The following SYPL1 variants were observed in gnomAD, a reference collection of about 807,000 sequenced individuals.
SYPL1 encodes synaptophysin like 1.
SYPL1 carries 6 observed loss-of-function variants against 23.7 expected under a neutral mutation model. The ratio of observed to expected loss-of-function variants is 0.25; its 90% CI spans 0.14 to 0.50. The LOEUF is 0.50. Among genes scored for constraint, SYPL1 ranks in the 20% least tolerant of loss-of-function variants. SYPL1 has a pLI of 0.98. For missense variants in SYPL1, 253 were observed against 288.9 expected (o/e 0.88, Z 0.90); for synonymous variants, 102 against 104.5 (o/e 0.98, Z 0.15).
At chr7:106,102,011 A>C (rs1840349507) in intron 1 of SYPL1, among the ~76,000 whole-genome samples, 1 of 152,156 alleles carries the variant, frequency 6.6e-6, no homozygotes, top group South Asian at 2.1e-4. Context: ...AACTAAATGT[A>C]GTGACTTGCT....
At position 106,096,724 on chromosome 7, in the gene SYPL1, G is replaced by T. The variant is rs1563339431; in HGVS notation, c.402+966C>A. ...TGGTTGCCACTAATGCTGAGTATAA[G>T]AATTACCTGGGTCTGATTTTAAATT... is the stretch of plus-strand genomic sequence containing the variant. On this transcript the variant is annotated intron_variant, in intron 3 of 4. Transcript: ENST00000455385. This position sits in a 1 kb window ranked among gnomAD's most constrained non-coding sequence, Gnocchi z 4.4. Among the ~76,000 whole-genome samples the T allele has an allele frequency of 1.3e-5, 2 of 152,186 alleles. No homozygotes were observed. The highest frequency in any genetic ancestry group is 4.8e-5 in the African/African-American group (2 of 41,446).
chr7:106,112,080 C>T, intron 1 of SYPL1, 60 bp downstream of exon 1: 1 of 1,320,542 alleles, frequency 7.6e-7, no homozygotes, highest in Non-Finnish European at 9.8e-7. Flanking sequence ...GTCCCCGTCT[C>T]CCCGCCTAGG....
rs1053565085 is a variant in SYPL1 at position 106,104,175 on chromosome 7, G to T, written c.70-4893C>A. ...TGGTAGAACTCATGATTCTTCTCTT[G>T]AGCTATCATAGACATTAACTCTATT... On this transcript the variant is annotated intron_variant, in intron 1 of 4. Transcript: ENST00000455385. The surrounding 1 kb of genome is among the most constrained non-coding windows in gnomAD (Gnocchi z 4.1). 6.6e-6 allele frequency among the ~76,000 whole-genome samples: 1 copy of T among 152,086 alleles called. No individual in the cohort carries two copies. The highest frequency in any genetic ancestry group is 2.4e-5 in the African/African-American group (1 of 41,372).
rs1840515180 is a variant in SYPL1, at chr7:106,104,892, A to G, written c.70-5610T>C. 6.6e-6 allele frequency among the ~76,000 whole-genome samples: 1 copy of G among 152,192 alleles called. No homozygotes were observed. Among genetic ancestry groups the G allele is most frequent in the Admixed American group, 6.5e-5 (1 of 15,286 alleles). ...TTGGTAAAACCCGGCCTGCAAATAT[A>G]TTTGTGTGGCCTTTCCAGTATTACA... On this transcript the variant is annotated intron_variant, in intron 1 of 4. Coordinates refer to ENST00000455385, the MANE Select transcript of SYPL1 (RefSeq NM_182715.4). This position sits in a 1 kb window ranked among gnomAD's most constrained non-coding sequence, Gnocchi z 4.1.
In SYPL1 at chr7:106,099,212, G is replaced by A. The variant is rs528720225; in HGVS notation, c.140C>T (p.Pro47Leu). Reference sequence around the variant, plus strand: ...AGTTTTATTCTCAGTAACTGCAGGAGGACAATTCACTTGAATTTCTGTTTG... The same window carrying A: ...AGTTTTATTCTCAGTAACTGCAGGAAGACAATTCACTTGAATTTCTGTTTG... Reference protein sequence around the residue: ...KGQTEIQVNCPPAVTENKTVT... With the variant: ...KGQTEIQVNCLPAVTENKTVT... The change falls in exon 2 of 5, where the codon CCT (proline) becomes CTT (leucine). Residue 47 changes from proline (P) to leucine (L), a missense_variant. Physicochemically the swap from Pro to Leu is moderately conservative, Grantham distance 98. Transcript: ENST00000455385. 4.3e-6 allele frequency: 7 copies of A among 1,613,984 alleles called. No homozygotes were observed. The African/African-American group carries it at 5.3e-5, about 12-fold the overall frequency.
At chr7:106,112,326 G>T, upstream of SYPL1, 1 of 1,276,456 alleles carries the variant, frequency 7.8e-7, no homozygotes, top group Non-Finnish European at 9.9e-7. Flanking sequence ...GGCCGGGCTC[G>T]GAGGCGGGCC....
At chr7:106,107,691 G>A (rs1316780330) in intron 1 of SYPL1, among the ~76,000 whole-genome samples, 1 of 143,416 alleles carries the variant, frequency 7.0e-6, no homozygotes, top group Non-Finnish European at 1.5e-5. Context: ...GCAGTGAGCT[G>A]AGATCATGCC....
chr7:106,105,144 T>G (rs1217997747), intron 1 of SYPL1, among the ~76,000 whole-genome samples: 2 of 152,146 alleles, frequency 1.3e-5, no homozygotes, highest in Non-Finnish European at 2.9e-5. Flanking sequence ...GCCCTCAGGA[T>G]GTGTGTTAGT....
upstream of SYPL1, chr7:106,112,543 C>A: frequency 6.6e-7 from 1 of 1,505,806 alleles, no homozygotes; most frequent in Non-Finnish European, 8.8e-7. Context: ...GCGTGCGCCG[C>A]GCCCCCTTCC....
In SYPL1 at chr7:106,104,265, C is replaced by T. The variant is rs745635427; in HGVS notation, c.70-4983G>A. On this transcript the variant is annotated intron_variant, in intron 1 of 4. Transcript: ENST00000455385. This position sits in a 1 kb window ranked among gnomAD's most constrained non-coding sequence, Gnocchi z 4.1. The stretch of plus-strand genomic sequence containing the variant: ...TGCTTTCTAAAAAATAAAATGGGGC[C>T]GGGTGCAGTGGCTTATGCCTGTAAT... 1.5e-4 allele frequency among the ~76,000 whole-genome samples: 23 copies of T among 152,032 alleles called. No homozygotes were observed. Among genetic ancestry groups the T allele is most frequent in the African/African-American group, 4.3e-4 (18 of 41,392 alleles).
At position 106,097,660 on chromosome 7, in the gene SYPL1, T is replaced by C. The variant is rs780565540; in HGVS notation, c.402+30A>G. Reference sequence around the variant, plus strand: ...TATATTTAGCTTATACAAATTATTTTTGTATTTAAAAAATAAAGTGATTAC... The same window carrying C: ...TATATTTAGCTTATACAAATTATTTCTGTATTTAAAAAATAAAGTGATTAC... On this transcript the variant is annotated intron_variant, in intron 3 of 4. Transcript: ENST00000455385. This position sits in a 1 kb window ranked among gnomAD's most constrained non-coding sequence, Gnocchi z 4.6. 5.8e-6 allele frequency: 9 copies of C among 1,548,446 alleles called. No homozygotes were observed. Among genetic ancestry groups the C allele is most frequent in the African/African-American group, 1.4e-5 (1 of 71,638 alleles).
rs1383078793 is a variant in SYPL1, at chr7:106,109,592, C to T, written c.69+2548G>A. On this transcript the variant is annotated intron_variant, in intron 1 of 4. Transcript: ENST00000455385. The surrounding 1 kb of genome is among the most constrained non-coding windows in gnomAD (Gnocchi z 4.3). ...TTAAATTCTAGATCCATATATATAG[C>T]TGTATCCTATAGGATACCTCCAAAA... 6.6e-6 allele frequency among the ~76,000 whole-genome samples: 1 copy of T among 152,182 alleles called. No individual in the cohort carries two copies. Among genetic ancestry groups the T allele is most frequent in the Non-Finnish European group, 1.5e-5 (1 of 68,034 alleles).
chr7:106,091,522 C>T lies in SYPL1; in HGVS notation c.*283G>A, dbSNP rs1271975682. ...CATGTTAAGGCTTAAGGTGTAAACA[C>T]TTTGGAAGGCAAACAGCTTAGTGAA... On this transcript the variant is annotated 3_prime_UTR_variant, in exon 5 of 5. Transcript: ENST00000455385. This position sits in a 1 kb window ranked among gnomAD's most constrained non-coding sequence, Gnocchi z 5.0. 3 of 290,788 alleles carry T rather than the reference C, an allele frequency of 1.0e-5. No individual in the cohort carries two copies. Among genetic ancestry groups the T allele is most frequent in the African/African-American group, 6.5e-5 (3 of 45,866 alleles). The allele number at this position is 290,788 out of a possible 1,614,324, so 18.0% of individuals were successfully genotyped here. A position where few individuals can be genotyped will look rare whatever the true frequency, so the allele number is the denominator to read the frequency against.
Position 106,091,691 on chromosome 7 carries a change from A to G in SYPL1, c.*114T>C. ...AAAAAAGCAGCAAAGTTTTAAACCC[A>G]CCAATATATTGACAAAGCCATTACT... On this transcript the variant is annotated 3_prime_UTR_variant, in exon 5 of 5. Transcript: ENST00000455385. This position sits in a 1 kb window ranked among gnomAD's most constrained non-coding sequence, Gnocchi z 5.0. The G allele has an allele frequency of 1.7e-6, 2 of 1,202,990 alleles. No homozygotes were observed. The highest frequency in any genetic ancestry group is 1.1e-6 in the Non-Finnish European group (1 of 899,532). 74.5% of individuals were successfully genotyped at this position (1,202,990 alleles called of 1,614,324 possible).
rs1024563 is a variant in SYPL1 at position 106,100,788 on chromosome 7, A to G, written c.70-1506T>C. Among the ~76,000 whole-genome samples, 54 of 152,320 alleles carry G rather than the reference A, an allele frequency of 3.5e-4. No homozygotes were observed. In the South Asian group the frequency reaches 9.9e-3, roughly 28 times the overall value. On this transcript the variant is annotated intron_variant, in intron 1 of 4. Transcript: ENST00000455385. The surrounding 1 kb of genome is among the most constrained non-coding windows in gnomAD (Gnocchi z 5.1). The stretch of plus-strand genomic sequence containing the variant: ...CAACAGCCAAGACAATCTTTTAAAA[A>G]TGTAAGGCAGAAAATGTTATCCTTT...
rs941366841 is a variant in SYPL1, at chr7:106,097,607, G to T, written c.402+83C>A. On this transcript the variant is annotated intron_variant, in intron 3 of 4. Coordinates refer to ENST00000455385, the MANE Select transcript of SYPL1 (RefSeq NM_182715.4). The surrounding 1 kb of genome is among the most constrained non-coding windows in gnomAD (Gnocchi z 4.6). ...AATATGCTGAACTGGCTTACACCAA[G>T]AATTTTTATTTCCAGTATAAGAAAA... 3.1e-6 allele frequency: 4 copies of T among 1,299,782 alleles called. No individual in the cohort carries two copies. Among genetic ancestry groups the T allele is most frequent in the Non-Finnish European group, 4.2e-6 (4 of 963,686 alleles). The allele number at this position is 1,299,782 out of a possible 1,614,324, so 80.5% of individuals were successfully genotyped here. A position where few individuals can be genotyped will look rare whatever the true frequency, so the allele number is the denominator to read the frequency against.
chr7:106,112,301 CG>C lies in SYPL1; in HGVS notation c.-94del. The C allele has an allele frequency of 2.3e-6, 3 of 1,285,364 alleles. No individual in the cohort carries two copies. Among genetic ancestry groups the C allele is most frequent in the Admixed American group, 2.7e-5 (1 of 37,002 alleles). The allele number at this position is 1,285,364 out of a possible 1,614,324, so 79.6% of individuals were successfully genotyped here. A position where few individuals can be genotyped will look rare whatever the true frequency, so the allele number is the denominator to read the frequency against. On this transcript the variant is annotated 5_prime_UTR_variant, in exon 1 of 5. Transcript: ENST00000455385. ...CAGCCCGGTGGCGAGGAAGGGCAGG[CG>C]GGGCTGGCGCGCTGGCCGGGCTCGG...
At chr7:106,092,822 T>C (rs926724334) in intron 4 of SYPL1, 127 bp downstream of exon 4, 4 of 802,796 alleles carry the variant, frequency 5.0e-6, no homozygotes, top group African/African-American at 3.6e-5. Context: ...ATATTGTTAC[T>C]AGAATTCAGG....
upstream of SYPL1, chr7:106,112,544 G>T: frequency 6.6e-7 from 1 of 1,505,158 alleles, no homozygotes; most frequent in Non-Finnish European, 8.9e-7. Flanking sequence ...CGTGCGCCGC[G>T]CCCCCTTCCC....
Sources: gnomAD v4.1 joint callset for allele counts (sites outside exome capture counted in the v4.1 genomes callset) on GRCh38, gnomAD v4.1.1 for gene constraint, Gnocchi (gnomAD v3.1) non-coding constraint, MANE v1.5 for transcripts, NCBI Gene and HGNC (gene_info 2026-07-23, HGNC 2026-07-21) for gene names.